GPR137C: variants seen among roughly 807,000 people sequenced by gnomAD.
GPR137C encodes G protein-coupled receptor 137C.
In GPR137C, 27 loss-of-function variants were observed where a neutral mutation model predicts 43.4. The observed-to-expected ratio is 0.62, with a 90% CI of 0.46 to 0.86. The LOEUF is 0.86. Among genes scored for constraint, GPR137C ranks in the 40% least tolerant of loss-of-function variants. The probability of loss-of-function intolerance (pLI) is 0.00; values close to 1 mark genes in which losing one functional copy is unlikely to be tolerated. For synonymous variants in GPR137C, 285 were observed against 226.9 expected (o/e 1.26, Z -2.30); for missense variants, 522 against 534.6 (o/e 0.98, Z 0.23).
intron 3 of GPR137C, among the ~76,000 whole-genome samples, chr14:52,630,486 A>G (rs1240240601): frequency 2.6e-5 from 4 of 152,174 alleles, no homozygotes; most frequent in African/African-American, 9.6e-5. Flanking sequence ...ATAAAATAGC[A>G]TATTGTAGAA....
Position 52,633,865 on chromosome 14 carries a change from C to T in GPR137C, c.1031C>T (p.Ser344Phe). ...ATGATAAATAGTCACAGTTATAGTT[C>T]CAGAGCTTACTTTTTCGACAATCCA... is the stretch of plus-strand genomic sequence containing the variant. ...AGMINSHSYS[S>F]RAYFFDNPRR... The change falls in exon 6 of 7, where the codon TCC becomes TTC. Residue 344 changes from serine to phenylalanine, a missense_variant. By Grantham distance (155) the Ser-to-Phe change is radical. Around this residue, in one of 3 missense-constraint regions of GPR137C, gnomAD observed 18 missense variants for 39.9 expected, o/e 0.45. Transcript: ENST00000321662. 1 of 1,612,602 alleles carries T rather than the reference C, an allele frequency of 6.2e-7. No homozygotes were observed. The highest frequency in any genetic ancestry group is 8.5e-7 in the Non-Finnish European group (1 of 1,178,906).
chr14:52,572,491 C>T (rs1594784631), intron 1 of GPR137C, among the ~76,000 whole-genome samples: 1 of 152,048 alleles, frequency 6.6e-6, no homozygotes, highest in African/African-American at 2.4e-5. Context: ...AACCAATGAC[C>T]AAAACCACAT....
At chr14:52,626,961 A>G (rs964093667) in intron 3 of GPR137C, among the ~76,000 whole-genome samples, 1 of 152,220 alleles carries the variant, frequency 6.6e-6, no homozygotes, top group Non-Finnish European at 1.5e-5. Flanking sequence ...GAAAAACCAA[A>G]GAAGACCTAA....
At chr14:52,583,059 CT>C (rs979611051) in intron 1 of GPR137C, among the ~76,000 whole-genome samples, 8 of 152,014 alleles carry the variant, frequency 5.3e-5, no homozygotes, top group Admixed American at 2.6e-4. Context: ...GAATAATATT[CT>C]TTTATAAATG....
At chr14:52,625,334 G>C (rs1369307197) in intron 3 of GPR137C, among the ~76,000 whole-genome samples, 1 of 151,264 alleles carries the variant, frequency 6.6e-6, no homozygotes, top group Non-Finnish European at 1.5e-5. Context: ...ATGCAAAAAT[G>C]AGCCAGGCGT....
intron 1 of GPR137C, among the ~76,000 whole-genome samples, chr14:52,575,851 A>G (rs917868291): frequency 2.0e-5 from 3 of 152,222 alleles, no homozygotes; most frequent in Admixed American, 2.0e-4. Flanking sequence ...TTACTGAACT[A>G]AATTTCTAAG....
At chr14:52,602,040 T>C (rs185321813) in intron 3 of GPR137C, among the ~76,000 whole-genome samples, 2 of 151,248 alleles carry the variant, frequency 1.3e-5, no homozygotes, top group African/African-American at 4.8e-5. Flanking sequence ...ACTGCAGATA[T>C]ACATGTTCAG....
chr14:52,573,732 TTAAAC>T (rs1314099478), intron 1 of GPR137C, among the ~76,000 whole-genome samples: 2 of 152,152 alleles, frequency 1.3e-5, no homozygotes, highest in African/African-American at 4.8e-5. Flanking sequence ...TGGGATCTAA[TTAAAC>T]TAAAGAACTT....
intron 3 of GPR137C, among the ~76,000 whole-genome samples, chr14:52,622,609 G>C (rs1349223859): frequency 1.3e-5 from 2 of 151,892 alleles, no homozygotes. Context: ...AATATGCCCA[G>C]TAGCCAAGTC....
In GPR137C at chr14:52,553,540, C is replaced by T. The variant is rs1480015723; in HGVS notation, c.393C>T (p.Pro131=). 7 of 1,609,112 alleles carry T rather than the reference C, an allele frequency of 4.4e-6. No individual in the cohort carries two copies. Among genetic ancestry groups the T allele is most frequent in the Non-Finnish European group, 5.9e-6 (7 of 1,179,334 alleles). ...FFPHWLLYCF[P]SCLQFSTLCL... ...CCCACTGGCTGCTCTACTGCTTCCC[C>T]TCCTGTCTCCAGTTCTCCACGCTCT... The change falls in exon 1 of 7, where the codon CCC becomes CCT. Residue 131 remains proline (P), a synonymous_variant. Coordinates refer to ENST00000321662, the MANE Select transcript of GPR137C (RefSeq NM_001099652.2).
At chr14:52,555,239 T>C (rs879394798) in intron 1 of GPR137C, among the ~76,000 whole-genome samples, 16 of 152,154 alleles carry the variant, frequency 1.1e-4, no homozygotes, top group Admixed American at 9.2e-4. Flanking sequence ...CAAAATAATA[T>C]GAATGATTCA....
intron 1 of GPR137C, among the ~76,000 whole-genome samples, chr14:52,562,841 TAAC>T (rs1354809818): frequency 6.6e-6 from 1 of 151,886 alleles, no homozygotes; most frequent in Non-Finnish European, 1.5e-5. Flanking sequence ...GTTAGAAAAA[TAAC>T]AGGATAAATC....
chr14:52,574,666 A>C (rs1407983167), intron 1 of GPR137C, among the ~76,000 whole-genome samples: 1 of 152,226 alleles, frequency 6.6e-6, no homozygotes, highest in Non-Finnish European at 1.5e-5. Context: ...TACTTATGTA[A>C]CAAACTTGCA....
chr14:52,594,787 T>C (rs147099572), intron 1 of GPR137C, among the ~76,000 whole-genome samples: 5,265 of 152,312 alleles, frequency 0.035, 137 homozygotes, highest in Non-Finnish European at 0.051. Context: ...CCAGTCTGTG[T>C]CTTTTAACTG....
chr14:52,598,168 A>G (rs2038879044), intron 1 of GPR137C, 104 bp from the exon 2 acceptor site: 2 of 456,474 alleles, frequency 4.4e-6, no homozygotes, highest in East Asian at 3.5e-5. Flanking sequence ...TTTGCGTGCT[A>G]TATGTTATTT....
At chr14:52,601,392 T>C (rs1186083368) in intron 3 of GPR137C, among the ~76,000 whole-genome samples, 2 of 152,102 alleles carry the variant, frequency 1.3e-5, no homozygotes, top group African/African-American at 2.4e-5. Flanking sequence ...ATTAAATATA[T>C]GGTAATCAAC....
intron 1 of GPR137C, among the ~76,000 whole-genome samples, chr14:52,566,861 C>T (rs1371806171): frequency 6.6e-6 from 1 of 152,168 alleles, no homozygotes; most frequent in East Asian, 1.9e-4. Flanking sequence ...CCTGTAATCC[C>T]AGCACATTGG....
intron 2 of GPR137C, among the ~76,000 whole-genome samples, chr14:52,599,112 G>A (rs190837253): frequency 6.6e-6 from 1 of 152,256 alleles, no homozygotes; most frequent in Admixed American, 6.5e-5. Context: ...AAGTATAAAT[G>A]TGTTTGAACT....
At chr14:52,593,746 G>C (rs183189690) in intron 1 of GPR137C, among the ~76,000 whole-genome samples, 88 of 151,448 alleles carry the variant, frequency 5.8e-4, no homozygotes, top group African/African-American at 2.0e-3. Context: ...TCTTGCTAGC[G>C]GTCTCTCTAT....
Sources: gnomAD v4.1 joint callset for allele counts (sites outside exome capture counted in the v4.1 genomes callset) on GRCh38, gnomAD v4.1.1 for gene constraint, gnomAD v4.1.1 regional missense constraint, MANE v1.5 for transcripts, NCBI Gene and HGNC (gene_info 2026-07-23, HGNC 2026-07-21) for gene names.